The following PTPRT variants were observed in gnomAD, a reference collection of about 807,000 sequenced individuals.
PTPRT encodes protein tyrosine phosphatase receptor type T, also known as receptor-type tyrosine-protein phosphatase T.
Under a neutral mutation model 176.8 loss-of-function variants are expected in PTPRT, and 56 were observed. That is an observed-to-expected ratio of 0.32 (90% CI 0.26 to 0.40). The LOEUF is 0.40. Among genes scored for constraint, PTPRT ranks in the 10% least tolerant of loss-of-function variants. The probability of loss-of-function intolerance (pLI) is 1.00; values close to 1 mark genes in which losing one functional copy is unlikely to be tolerated. For synonymous variants in PTPRT, 783 were observed against 739.0 expected, an observed-to-expected ratio of 1.06 and a Z score of -0.96; for missense variants, 1,540 against 1,908.2, an observed-to-expected ratio of 0.81 and a Z score of 3.60.
intron 7 of PTPRT, among the ~76,000 whole-genome samples, chr20:42,473,734 C>T (rs1344437390): frequency 6.6e-6 from 1 of 152,176 alleles, no homozygotes; most frequent in Non-Finnish European, 1.5e-5. Context: ...CTTGGCTTCC[C>T]AAAGTGATGG....
chr20:42,369,984 G>A (rs1177726668), intron 9 of PTPRT, among the ~76,000 whole-genome samples: 1 of 152,174 alleles, frequency 6.6e-6, no homozygotes, highest in Non-Finnish European at 1.5e-5. Flanking sequence ...GCCAAGAGAT[G>A]CTGGCTCCCC....
chr20:42,978,937 T>C (rs1334609156), intron 1 of PTPRT, among the ~76,000 whole-genome samples: 1 of 152,146 alleles, frequency 6.6e-6, no homozygotes, highest in African/African-American at 2.4e-5. Context: ...GGAGTAGCCG[T>C]TCTTTTGTTA....
intron 7 of PTPRT, among the ~76,000 whole-genome samples, chr20:42,537,027 A>C (rs1174564757): frequency 6.6e-6 from 1 of 152,212 alleles, no homozygotes; most frequent in African/African-American, 2.4e-5. Context: ...TGTAATAAAA[A>C]GAATTGGGTA....
At chr20:42,169,792 A>T (rs1989998726) in intron 16 of PTPRT, among the ~76,000 whole-genome samples, 2 of 95,354 alleles carry the variant, frequency 2.1e-5, no homozygotes, top group Non-Finnish European at 4.8e-5. Context: ...ACACACACAC[A>T]ACAGTCAGTA....
intron 27 of PTPRT, among the ~76,000 whole-genome samples, chr20:42,094,251 T>C (rs1356268453): frequency 6.6e-6 from 1 of 152,122 alleles, no homozygotes; most frequent in Non-Finnish European, 1.5e-5. Flanking sequence ...ATGAGCTGAG[T>C]TCATTCTTTT....
At chr20:42,169,005 A>C (rs1411313811) in intron 16 of PTPRT, among the ~76,000 whole-genome samples, 1 of 152,242 alleles carries the variant, frequency 6.6e-6, no homozygotes, top group Non-Finnish European at 1.5e-5. Flanking sequence ...GAGCTGAAAC[A>C]AACATGATAC....
intron 2 of PTPRT, among the ~76,000 whole-genome samples, chr20:42,824,866 C>T (rs1316035731): frequency 1.3e-5 from 2 of 151,682 alleles, no homozygotes; most frequent in Non-Finnish European, 2.9e-5. Flanking sequence ...ATGTAAGTAC[C>T]AGGTAAAGAA....
At chr20:42,978,606 A>G (rs1983095691) in intron 1 of PTPRT, among the ~76,000 whole-genome samples, 1 of 152,186 alleles carries the variant, frequency 6.6e-6, no homozygotes, top group African/African-American at 2.4e-5. Context: ...CCAGACGGTT[A>G]AGGCAGTCTA....
intron 15 of PTPRT, among the ~76,000 whole-genome samples, chr20:42,213,681 A>G (rs2146752107): frequency 6.6e-6 from 1 of 152,330 alleles, no homozygotes; most frequent in South Asian, 2.1e-4. Context: ...GAAGAATGCC[A>G]CATGACAACA....
At chr20:42,588,563 A>G (rs998711154) in intron 7 of PTPRT, among the ~76,000 whole-genome samples, 1 of 152,202 alleles carries the variant, frequency 6.6e-6, no homozygotes, top group Non-Finnish European at 1.5e-5. Flanking sequence ...AATAAGAAAA[A>G]GAATGTAAAA....
chr20:42,732,417 T>C (rs2076475050), intron 6 of PTPRT, among the ~76,000 whole-genome samples: 1 of 152,190 alleles, frequency 6.6e-6, no homozygotes, highest in African/African-American at 2.4e-5. Flanking sequence ...AATATGTGAG[T>C]AAATGAATTA....
chr20:42,293,296 CT>C (rs1568746177), intron 12 of PTPRT, among the ~76,000 whole-genome samples: 1 of 152,218 alleles, frequency 6.6e-6, no homozygotes, highest in South Asian at 2.1e-4. Context: ...TCCACTAAGA[CT>C]TTTATATGGT....
At chr20:42,722,675 C>A (rs1429888034) in intron 6 of PTPRT, among the ~76,000 whole-genome samples, 2 of 152,202 alleles carry the variant, frequency 1.3e-5, no homozygotes, top group Non-Finnish European at 2.9e-5. Flanking sequence ...GAACCCTCCA[C>A]AATGCCAGAG....
At chr20:42,179,196 G>A (rs1468882085) in intron 16 of PTPRT, among the ~76,000 whole-genome samples, 1 of 152,174 alleles carries the variant, frequency 6.6e-6, no homozygotes, top group Non-Finnish European at 1.5e-5. Flanking sequence ...ACACATATGA[G>A]AGTATATTAT....
At chr20:42,687,988 A>G (rs1296716586) in intron 6 of PTPRT, 2 of 152,206 alleles carry the variant, frequency 1.3e-5, no homozygotes, top group Non-Finnish European at 2.9e-5. Context: ...AGATGAGGAG[A>G]CTAAAGGAGT....
intron 12 of PTPRT, among the ~76,000 whole-genome samples, chr20:42,285,422 G>A (rs550632633): frequency 6.6e-6 from 1 of 151,996 alleles, no homozygotes; most frequent in Non-Finnish European, 1.5e-5. Context: ...GAGGGCAAAG[G>A]TTTGATGAGG....
chr20:42,820,593 A>T (rs181967792), intron 2 of PTPRT, among the ~76,000 whole-genome samples: 2 of 152,244 alleles, frequency 1.3e-5, no homozygotes, highest in Non-Finnish European at 2.9e-5. Context: ...GGAGATAGAG[A>T]CATAAAAAAA....
At chr20:42,647,545 T>G (rs1485106194) in intron 7 of PTPRT, among the ~76,000 whole-genome samples, 1 of 152,086 alleles carries the variant, frequency 6.6e-6, no homozygotes, top group Admixed American at 6.5e-5. Flanking sequence ...ACCATCCAAT[T>G]TGCAAGTTCC....
At chr20:42,645,989 T>C (rs2074887790) in intron 7 of PTPRT, among the ~76,000 whole-genome samples, 1 of 152,160 alleles carries the variant, frequency 6.6e-6, no homozygotes, top group African/African-American at 2.4e-5. Flanking sequence ...CCTACCACTC[T>C]TCCTGGCTTG....
Sources: gnomAD v4.1 joint callset for allele counts (sites outside exome capture counted in the v4.1 genomes callset) on GRCh38, gnomAD v4.1.1 for gene constraint, MANE v1.5 for transcripts, NCBI Gene and HGNC (gene_info 2026-07-23, HGNC 2026-07-21) for gene names.